The following AGO3 variants were observed in gnomAD, a reference collection of about 807,000 sequenced individuals.
AGO3 encodes argonaute RISC catalytic component 3, also known as protein argonaute-3.
AGO3 carries 16 observed loss-of-function variants against 105.5 expected under a neutral mutation model. That is an observed-to-expected ratio of 0.15 (90% CI 0.10 to 0.23). The LOEUF is 0.23. Among genes scored for constraint, AGO3 ranks in the 10% least tolerant of loss-of-function variants. The pLI is 1.00. For missense variants in AGO3, 534 were observed against 1,088.0 expected (o/e 0.49, Z 7.16); for synonymous variants, 340 against 367.3 (o/e 0.93, Z 0.85).
chr1:36,003,501 C>A (rs1640190852), intron 5 of AGO3, among the ~76,000 whole-genome samples: 2 of 151,652 alleles, frequency 1.3e-5, no homozygotes, highest in Non-Finnish European at 2.9e-5. Flanking sequence ...TCAAGACCAG[C>A]CTGACCAACA....
intron 5 of AGO3, among the ~76,000 whole-genome samples, chr1:35,974,311 G>T (rs2148776874): frequency 6.6e-6 from 1 of 152,022 alleles, no homozygotes; most frequent in South Asian, 2.1e-4. Context: ...CATCACATTT[G>T]ATTATTGTGC....
Position 36,055,652 on chromosome 1 carries a change from C to A in AGO3, c.2490C>A (p.His830Gln), listed in dbSNP as rs758349465. The change falls in exon 19 of 19, where the codon CAC becomes CAA. Residue 830 changes from histidine to glutamine, a missense_variant. Coordinates refer to ENST00000373191, the MANE Select transcript of AGO3 (RefSeq NM_024852.4). The surrounding 1 kb of genome is among the most constrained non-coding windows in gnomAD (Gnocchi z 4.4). ...TCTCTTACAGTGCTGAAGGAAGTCACGTTTCAGGACAAAGCAATGGGCGAG... is the reference window on the plus strand; with the variant it reads ...TCTCTTACAGTGCTGAAGGAAGTCAAGTTTCAGGACAAAGCAATGGGCGAG... ...DKEHDSAEGS[H>Q]VSGQSNGRDP... 1 of 1,613,314 alleles carries A rather than the reference C, an allele frequency of 6.2e-7. No individual in the cohort carries two copies. Among genetic ancestry groups the A allele is most frequent in the Non-Finnish European group, 8.5e-7 (1 of 1,179,638 alleles).
chr1:35,938,564 A>G (rs1355340697), intron 1 of AGO3, among the ~76,000 whole-genome samples: 1 of 152,174 alleles, frequency 6.6e-6, no homozygotes, highest in African/African-American at 2.4e-5. Flanking sequence ...ATAATAATTT[A>G]TACTGAGTAC....
chr1:35,965,287 C>T (rs918597685), intron 2 of AGO3, among the ~76,000 whole-genome samples: 11 of 151,728 alleles, frequency 7.2e-5, no homozygotes, highest in African/African-American at 2.2e-4. Flanking sequence ...GTCAGGAGTT[C>T]GAGACCAGCC....
chr1:36,046,203 G>T (rs114839130), intron 17 of AGO3, among the ~76,000 whole-genome samples: 14 of 152,186 alleles, frequency 9.2e-5, no homozygotes, highest in African/African-American at 2.9e-4. Flanking sequence ...CACCCACTGT[G>T]GTCCAAGCAG....
At chr1:36,006,261 G>A (rs971435088) in intron 6 of AGO3, among the ~76,000 whole-genome samples, 4 of 152,030 alleles carry the variant, frequency 2.6e-5, no homozygotes, top group African/African-American at 7.2e-5. Context: ...ATGACACAAA[G>A]TGTGCAATAA....
chr1:36,022,868 G>A (rs2148829130), intron 11 of AGO3, among the ~76,000 whole-genome samples: 1 of 147,700 alleles, frequency 6.8e-6, no homozygotes, highest in African/African-American at 2.5e-5. Context: ...GGAAGCAGAG[G>A]TTTGATCGCT....
At chr1:35,947,763 C>A (rs1310916022) in intron 2 of AGO3, among the ~76,000 whole-genome samples, 1 of 152,294 alleles carries the variant, frequency 6.6e-6, no homozygotes, top group East Asian at 1.9e-4. Flanking sequence ...TGTGAGCCGT[C>A]ATCCACTTAT....
At chr1:36,029,391 CTTTTTTTTTTT>C (rs71034710) in intron 12 of AGO3, among the ~76,000 whole-genome samples, 2 of 121,686 alleles carry the variant, frequency 1.6e-5, no homozygotes, top group African/African-American at 3.1e-5. Context: ...CTCTTTCTTT[CTTTTTTTTTTT>C]TTTTTTTTTT....
At chr1:36,003,708 AAATAT>A (rs1329830377) in intron 5 of AGO3, among the ~76,000 whole-genome samples, 98 of 127,572 alleles carry the variant, frequency 7.7e-4, no homozygotes, top group Admixed American at 1.2e-3. Context: ...AAAAAAAAAA[AAATAT>A]ATATATATAT....
chr1:36,007,422 C>T (rs778482518), intron 6 of AGO3, among the ~76,000 whole-genome samples: 12 of 152,074 alleles, frequency 7.9e-5, no homozygotes, highest in African/African-American at 2.7e-4. Context: ...AAAGGCCGGG[C>T]GTGGTGGCTC....
chr1:35,952,172 AGT>A (rs1646486705), intron 2 of AGO3, among the ~76,000 whole-genome samples: 1 of 106,932 alleles, frequency 9.4e-6, no homozygotes, highest in South Asian at 2.8e-4. Context: ...TTTTTGACAG[AGT>A]CTCGCTCTGT....
intron 11 of AGO3, among the ~76,000 whole-genome samples, chr1:36,023,793 T>C (rs1641360226): frequency 6.6e-6 from 1 of 152,176 alleles, no homozygotes; most frequent in African/African-American, 2.4e-5. Context: ...TTAACTAAGA[T>C]CCTTATTTTT....
chr1:36,049,832 T>C (rs1398047747), intron 17 of AGO3, among the ~76,000 whole-genome samples: 4 of 152,178 alleles, frequency 2.6e-5, no homozygotes, highest in Non-Finnish European at 5.9e-5. Context: ...CATTATATAA[T>C]GCTAAAGGGA....
chr1:36,032,639 C>A (rs1242218194), intron 12 of AGO3, among the ~76,000 whole-genome samples: 8 of 152,282 alleles, frequency 5.3e-5, no homozygotes, highest in South Asian at 2.1e-4. Flanking sequence ...CTCAGCCTAC[C>A]AAAGTGCTGG....
chr1:36,009,624 T>TA (rs1569758005), intron 9 of AGO3, 30 bp downstream of exon 9: 1 of 1,596,734 alleles, frequency 6.3e-7, no homozygotes, highest in East Asian at 2.2e-5. Context: ...AATGAGAATT[T>TA]AAAACATATT....
intron 5 of AGO3, chr1:35,982,884 C>G (rs1647079243): frequency 4.6e-6 from 2 of 431,198 alleles, no homozygotes; most frequent in Non-Finnish European, 8.3e-6. Flanking sequence ...ATTGTTTTTG[C>G]AAATAAACTA....
At chr1:35,935,287 T>C (rs1025636117) in intron 1 of AGO3, among the ~76,000 whole-genome samples, 1 of 152,202 alleles carries the variant, frequency 6.6e-6, no homozygotes, top group African/African-American at 2.4e-5. Context: ...AAAAGACATA[T>C]AGATAACCTT....
chr1:35,946,429 G>A (rs1400237322), intron 2 of AGO3, among the ~76,000 whole-genome samples: 1 of 152,060 alleles, frequency 6.6e-6, no homozygotes, highest in Non-Finnish European at 1.5e-5. Flanking sequence ...ATGTGGTTTC[G>A]GTAATACAGG....
Sources: allele counts gnomAD v4.1 joint callset (sites outside exome capture counted in the v4.1 genomes callset), GRCh38; gene constraint gnomAD v4.1.1; non-coding constraint Gnocchi (gnomAD v3.1); transcripts MANE v1.5; gene names NCBI Gene and HGNC (gene_info 2026-07-23, HGNC 2026-07-21).